TJP1: variants seen among roughly 807,000 people sequenced by gnomAD.
The protein encoded by TJP1 is tight junction protein ZO-1.
A neutral mutation model predicts 194.2 loss-of-function variants in TJP1; 43 were observed. The ratio of observed to expected loss-of-function variants is 0.22; its 90% confidence interval spans 0.17 to 0.29. The LOEUF is 0.29. TJP1 is among the 10% of genes least tolerant of loss of function. The pLI, the probability that TJP1 is intolerant of heterozygous loss-of-function variation, is 1.00. For missense variants in TJP1, 1,971 were observed against 2,185.7 expected, an observed-to-expected ratio of 0.90 and a Z score of 1.96; for synonymous variants, 801 against 779.0, an observed-to-expected ratio of 1.03 and a Z score of -0.47.
At position 29,745,968 on chromosome 15, in the gene TJP1, G is replaced by A. The variant is rs1275471209; in HGVS notation, c.1011-3187C>T. On this transcript the variant is annotated intron_variant, in intron 8 of 27. Transcript: ENST00000614355. Reference sequence around the variant, plus strand: ...AAGAGTGAGAACTGGGGGTGAACTGGGGGTGAAGTGGAGTTGGTGGATTTG... The same window carrying A: ...AAGAGTGAGAACTGGGGGTGAACTGAGGGTGAAGTGGAGTTGGTGGATTTG... Among the ~76,000 whole-genome samples the A allele has an allele frequency of 3.3e-5, 5 of 152,320 alleles. No individual in the cohort carries two copies. The South Asian group carries it at 8.3e-4, about 25-fold the overall frequency.
chr15:29,774,865 T>TCTAAGATGTGAA (rs1324867420), intron 2 of TJP1, among the ~76,000 whole-genome samples: 2 of 151,688 alleles, frequency 1.3e-5, no homozygotes, highest in Admixed American at 6.6e-5. Context: ...TCTCTATATA[T>TCTAAGATGTGAA]TCTCCCAAAA....
At chr15:29,769,319 G>A (rs1366901730) in intron 4 of TJP1, among the ~76,000 whole-genome samples, 1 of 152,146 alleles carries the variant, frequency 6.6e-6, no homozygotes, top group Non-Finnish European at 1.5e-5. Context: ...GTTTGGCAAA[G>A]ATTTAAGACC....
Position 29,785,319 on chromosome 15 carries a change from A to G in TJP1, c.85-11962T>C, listed in dbSNP as rs566240923. Among the ~76,000 whole-genome samples the G allele has an allele frequency of 8.5e-5, 13 of 152,292 alleles. No individual in the cohort carries two copies. The South Asian group carries it at 2.7e-3, about 32-fold the overall frequency. On this transcript the variant is annotated intron_variant, in intron 2 of 27. Transcript: ENST00000614355. ...ACAGGGTCCTGGAATTTTTTCAGTT[A>G]TGTGTCCTGTTTTACTGGACACTAG... is the stretch of plus-strand genomic sequence containing the variant.
intron 2 of TJP1, among the ~76,000 whole-genome samples, chr15:29,792,942 G>C (rs960919909): frequency 6.6e-6 from 1 of 152,182 alleles, no homozygotes; most frequent in Non-Finnish European, 1.5e-5. Context: ...CAGAAATGCT[G>C]CTGATTTTTA....
In TJP1 at chr15:29,719,801, C is replaced by T; in HGVS notation, c.2979G>A (p.Leu993=). 1 of 1,613,978 alleles carries T rather than the reference C, an allele frequency of 6.2e-7. No individual in the cohort carries two copies. Among genetic ancestry groups the T allele is most frequent in the South Asian group, 1.1e-5 (1 of 91,018 alleles). Residue 993 remains leucine (L), a synonymous_variant, in exon 20 of 28, where the codon TTG becomes TTA. Coordinates refer to ENST00000614355, the MANE Select transcript of TJP1 (RefSeq NM_001330239.4). ...HIMLRDQEPS[L]SSHVDPTKVY... is the part of the protein sequence containing the mutation. ...CCTTTGTTGGATCTACATGCGACGA[C>T]AATGATGGTTCTTGATCTCTTAGCA... is the stretch of plus-strand genomic sequence containing the variant.
At chr15:29,715,327 C>T (rs2042496765) in intron 23 of TJP1, among the ~76,000 whole-genome samples, 1 of 152,182 alleles carries the variant, frequency 6.6e-6, no homozygotes, top group Admixed American at 6.5e-5. Flanking sequence ...ACCCCCACTG[C>T]AGCACTCTCA....
intron 1 of TJP1, among the ~76,000 whole-genome samples, chr15:29,821,227 G>A (rs2050317839): frequency 6.6e-6 from 1 of 152,152 alleles, no homozygotes. Context: ...ATGGGAAAAT[G>A]CAATAATATT....
At chr15:29,775,606 T>C (rs1182671520) in intron 2 of TJP1, among the ~76,000 whole-genome samples, 1 of 151,764 alleles carries the variant, frequency 6.6e-6, no homozygotes, top group African/African-American at 2.4e-5. Context: ...ATACACCCCA[T>C]GGCTCAGAGG....
intron 2 of TJP1, among the ~76,000 whole-genome samples, chr15:29,901,698 G>A (rs931854997): frequency 6.6e-6 from 1 of 152,014 alleles, no homozygotes; most frequent in Non-Finnish European, 1.5e-5. Context: ...GCGGGCGCCT[G>A]TAATCCCAGC....
chr15:29,834,379 C>A (rs894286610), intron 2 of TJP1, among the ~76,000 whole-genome samples: 4 of 151,998 alleles, frequency 2.6e-5, no homozygotes, highest in African/African-American at 9.7e-5. Flanking sequence ...CACCACCCGC[C>A]CAGCTAATTT....
intron 2 of TJP1, among the ~76,000 whole-genome samples, chr15:29,908,998 CA>C (rs969584096): frequency 2.1e-4 from 32 of 150,468 alleles, no homozygotes; most frequent in Non-Finnish European, 3.4e-4. Flanking sequence ...ACCAAAAATA[CA>C]AAAAAAAATT....
At chr15:29,938,650 A>G (rs951256164) in intron 2 of TJP1, among the ~76,000 whole-genome samples, 9 of 152,214 alleles carry the variant, frequency 5.9e-5, no homozygotes, top group African/African-American at 1.7e-4. Context: ...GGTGTCTGAA[A>G]TTTCCACTCT....
chr15:29,733,393 TATG>T (rs2043802205), intron 12 of TJP1, 80 bp from the exon 13 acceptor site: 1 of 947,960 alleles, frequency 1.1e-6, no homozygotes, highest in Admixed American at 2.4e-5. Flanking sequence ...GTAAAGATGC[TATG>T]ATAATATCAA....
intron 2 of TJP1, among the ~76,000 whole-genome samples, chr15:29,878,286 G>A (rs1567159238): frequency 1.3e-5 from 2 of 151,996 alleles, no homozygotes; most frequent in African/African-American, 2.4e-5. Flanking sequence ...TCCTGACTCC[G>A]TGATCCGCCC....
At chr15:29,883,953 C>T (rs1436537547) in intron 2 of TJP1, among the ~76,000 whole-genome samples, 2 of 152,140 alleles carry the variant, frequency 1.3e-5, no homozygotes, top group Non-Finnish European at 2.9e-5. Context: ...TATTAATAAA[C>T]AAAATGCTTG....
At chr15:29,755,717 A>C (rs2045600322) in intron 8 of TJP1, among the ~76,000 whole-genome samples, 1 of 152,162 alleles carries the variant, frequency 6.6e-6, no homozygotes, top group Non-Finnish European at 1.5e-5. Flanking sequence ...TATTTGTGAA[A>C]ACACATTCCC....
At chr15:29,914,605 C>A (rs1312948644) in intron 2 of TJP1, among the ~76,000 whole-genome samples, 2 of 152,082 alleles carry the variant, frequency 1.3e-5, no homozygotes, top group African/African-American at 4.8e-5. Flanking sequence ...AGAAAGAACC[C>A]CACGGCCAGG....
upstream of TJP1, among the ~76,000 whole-genome samples, chr15:29,827,185 G>A (rs181757572): frequency 1.1e-3 from 162 of 152,346 alleles, 1 homozygote; most frequent in African/African-American, 3.4e-3. Context: ...GGCCCAGCCC[G>A]GATTCCAGAT....
intron 2 of TJP1, among the ~76,000 whole-genome samples, chr15:29,906,579 T>C (rs2053822631): frequency 6.6e-6 from 1 of 151,972 alleles, no homozygotes; most frequent in Non-Finnish European, 1.5e-5. Context: ...GTTGTTGTTT[T>C]GTTTTTGTTT....
Sources: gnomAD v4.1 joint callset for allele counts (sites outside exome capture counted in the v4.1 genomes callset) on GRCh38, gnomAD v4.1.1 for gene constraint, MANE v1.5 for transcripts, NCBI Gene and HGNC (gene_info 2026-07-23, HGNC 2026-07-21) for gene names.